The following NCAM2 variants were observed in gnomAD, a reference collection of about 807,000 sequenced individuals.
The protein encoded by NCAM2 is neural cell adhesion molecule 2.
Under a neutral mutation model 98.1 loss-of-function variants are expected in NCAM2, and 30 were observed. That is an observed-to-expected ratio of 0.31 (90% CI 0.23 to 0.41). NCAM2 has a LOEUF of 0.41. Among genes scored for constraint, NCAM2 ranks in the 10% least tolerant of loss-of-function variants. The probability of loss-of-function intolerance (pLI) is 1.00; values close to 1 mark genes in which losing one functional copy is unlikely to be tolerated. For synonymous variants in NCAM2, 368 were observed against 342.4 expected, an observed-to-expected ratio of 1.07 and a Z score of -0.83; for missense variants, 867 against 1,005.8, an observed-to-expected ratio of 0.86 and a Z score of 1.87.
chr21:21,254,328 C>A lies in NCAM2; in HGVS notation c.56-26250C>A, dbSNP rs144868412. Among the ~76,000 whole-genome samples the A allele has an allele frequency of 2.1e-3, 327 of 152,274 alleles. 5 individuals carry two copies. In the South Asian group the frequency reaches 0.025, roughly 12 times the overall value. On this transcript the variant is annotated intron_variant, in intron 1 of 17. Transcript: ENST00000400546. ...AAGTTACACAGCTATTAAGTCGCAACGCCAGCCTATCTACTCAGGTTTGTT... is the reference window on the plus strand; with the variant it reads ...AAGTTACACAGCTATTAAGTCGCAAAGCCAGCCTATCTACTCAGGTTTGTT...
chr21:21,429,989 A>G (rs1225558096), intron 11 of NCAM2, among the ~76,000 whole-genome samples: 1 of 152,064 alleles, frequency 6.6e-6, no homozygotes, highest in Admixed American at 6.6e-5. Context: ...TAGCAAAAAG[A>G]GTACATTTGA....
At chr21:21,264,524 T>C (rs2072050039) in intron 1 of NCAM2, among the ~76,000 whole-genome samples, 1 of 151,858 alleles carries the variant, frequency 6.6e-6, no homozygotes, top group Non-Finnish European at 1.5e-5. Context: ...CAAATCACTT[T>C]TCAAAATGAC....
chr21:21,407,768 A>G lies in NCAM2; in HGVS notation c.1196-2506A>G, dbSNP rs528841166. 2.0e-5 allele frequency among the ~76,000 whole-genome samples: 3 copies of G among 152,290 alleles called. No individual in the cohort carries two copies. In the South Asian group the frequency reaches 6.2e-4, roughly 32 times the overall value. On this transcript the variant is annotated intron_variant, in intron 9 of 17. Transcript: ENST00000400546. ...TTGGATTGAGTTTATTTGTAATTATATTTTCCTTAATCCTCTCCAAGAAAT... is the reference window on the plus strand; with the variant it reads ...TTGGATTGAGTTTATTTGTAATTATGTTTTCCTTAATCCTCTCCAAGAAAT...
At chr21:21,356,467 A>G (rs531556527) in intron 8 of NCAM2, among the ~76,000 whole-genome samples, 13 of 152,132 alleles carry the variant, frequency 8.5e-5, no homozygotes, top group Non-Finnish European at 1.5e-4. Flanking sequence ...TTTTATTTAT[A>G]AAATGTGAAG....
chr21:21,338,612 G>T lies in NCAM2; in HGVS notation c.1044+78G>T, dbSNP rs149817305. ...TTCAATATCATTAAATCACAAATTAGTCTCCAATTTACCTAGTAACTTGTA... is the reference window on the plus strand; with the variant it reads ...TTCAATATCATTAAATCACAAATTATTCTCCAATTTACCTAGTAACTTGTA... On this transcript the variant is annotated intron_variant, in intron 8 of 17. Transcript: ENST00000400546. 1.1e-3 allele frequency: 1,509 copies of T among 1,345,094 alleles called. 19 individuals are homozygous for T. The African/African-American group carries it at 0.02, about 18-fold the overall frequency. 83.3% of individuals were successfully genotyped at this position (1,345,094 alleles called of 1,614,324 possible).
At chr21:21,468,912 C>A in intron 14 of NCAM2, 129 bp downstream of exon 14, 1 of 792,068 alleles carries the variant, frequency 1.3e-6, no homozygotes, top group Non-Finnish European at 1.8e-6. Flanking sequence ...AATCTTCCTT[C>A]CATTCCTGAC....
chr21:21,246,999 G>A (rs1041084168), intron 1 of NCAM2, among the ~76,000 whole-genome samples: 3 of 144,320 alleles, frequency 2.1e-5, no homozygotes, highest in East Asian at 2.1e-4. Context: ...TGTCTCTGTA[G>A]TCTGTCTCAT....
chr21:21,530,146 T>TAATAA (rs1989557275), intron 16 of NCAM2, among the ~76,000 whole-genome samples: 1 of 142,076 alleles, frequency 7.0e-6, no homozygotes, highest in African/African-American at 2.6e-5. Context: ...TAATTTAATT[T>TAATAA]AATTATATAT....
At chr21:21,087,859 A>G (rs2065935288) in intron 1 of NCAM2, among the ~76,000 whole-genome samples, 2 of 152,158 alleles carry the variant, frequency 1.3e-5, no homozygotes, top group African/African-American at 2.4e-5. Context: ...CAAATCTGGT[A>G]CTGGGTATGA....
intron 1 of NCAM2, among the ~76,000 whole-genome samples, chr21:21,025,942 T>G (rs918060881): frequency 3.9e-5 from 6 of 152,198 alleles, no homozygotes; most frequent in Admixed American, 1.3e-4. Flanking sequence ...TAGAGTTTAG[T>G]GAGTTCAGGG....
intron 1 of NCAM2, among the ~76,000 whole-genome samples, chr21:21,261,357 C>G (rs895879605): frequency 6.6e-6 from 1 of 152,140 alleles, no homozygotes; most frequent in Non-Finnish European, 1.5e-5. Context: ...TAATAGATAT[C>G]TACAAAACAT....
At chr21:21,257,342 A>T (rs951830633) in intron 1 of NCAM2, among the ~76,000 whole-genome samples, 2 of 152,196 alleles carry the variant, frequency 1.3e-5, no homozygotes, top group African/African-American at 4.8e-5. Context: ...TAAACTGTTT[A>T]CATGATTTTA....
At chr21:21,427,522 T>C (rs1263118051) in intron 11 of NCAM2, among the ~76,000 whole-genome samples, 1 of 152,202 alleles carries the variant, frequency 6.6e-6, no homozygotes, top group African/African-American at 2.4e-5. Context: ...CACTTATATG[T>C]GGAATTCTAA....
intron 1 of NCAM2, among the ~76,000 whole-genome samples, chr21:21,094,143 C>A (rs1409188109): frequency 6.6e-6 from 1 of 151,698 alleles, no homozygotes; most frequent in African/African-American, 2.4e-5. Context: ...TAGGGAACTG[C>A]AGTTGAATAC....
chr21:21,026,104 G>T (rs530403413), intron 1 of NCAM2, among the ~76,000 whole-genome samples: 1 of 152,258 alleles, frequency 6.6e-6, no homozygotes, highest in African/African-American at 2.4e-5. Flanking sequence ...GTGTGACGTG[G>T]ATTTGTTCTA....
chr21:21,179,413 C>A (rs1414103453), intron 1 of NCAM2, among the ~76,000 whole-genome samples: 3 of 152,032 alleles, frequency 2.0e-5, no homozygotes. Flanking sequence ...GCCTAGATTT[C>A]TTTTTTTCCT....
At chr21:21,135,476 G>T (rs1035281536) in intron 1 of NCAM2, among the ~76,000 whole-genome samples, 1 of 152,142 alleles carries the variant, frequency 6.6e-6, no homozygotes, top group African/African-American at 2.4e-5. Context: ...GAAACACCTC[G>T]ATAGAACTGA....
chr21:21,020,299 G>T (rs986231032), intron 1 of NCAM2, among the ~76,000 whole-genome samples: 4 of 152,140 alleles, frequency 2.6e-5, no homozygotes, highest in Admixed American at 1.3e-4. Flanking sequence ...GCCTCCCAAA[G>T]AGCTGGGCTT....
At chr21:21,398,413 A>T (rs1319095302) in intron 9 of NCAM2, among the ~76,000 whole-genome samples, 2 of 152,194 alleles carry the variant, frequency 1.3e-5, no homozygotes, top group East Asian at 3.8e-4. Context: ...ACCTATTGAA[A>T]TAAAAAATTA....
Sources: allele counts gnomAD v4.1 joint callset (sites outside exome capture counted in the v4.1 genomes callset), GRCh38; gene constraint gnomAD v4.1.1; transcripts MANE v1.5; gene names NCBI Gene and HGNC (gene_info 2026-07-23, HGNC 2026-07-21).